Variants in ATP2B2 observed in about 807,000 individuals in gnomAD.
The protein encoded by ATP2B2 is plasma membrane calcium-transporting ATPase 2.
In ATP2B2, 15 loss-of-function variants were observed where a neutral mutation model predicts 120.0. That is an observed-to-expected ratio of 0.12 (90% confidence interval 0.08 to 0.19). The LOEUF (loss-of-function observed/expected upper bound fraction) is 0.19, where lower values mean the gene tolerates loss of function less well. Among genes scored for constraint, ATP2B2 ranks in the 10% least tolerant of loss-of-function variants. The probability of loss-of-function intolerance (pLI) is 1.00; values close to 1 mark genes in which losing one functional copy is unlikely to be tolerated. For missense variants in ATP2B2, 1,045 were observed against 1,719.8 expected (o/e 0.61, Z 6.94); for synonymous variants, 694 against 700.3 (o/e 0.99, Z 0.14).
Position 10,375,880 on chromosome 3 carries a change from G to T in ATP2B2, c.1202-236C>A, listed in dbSNP as rs904555635. ...TACTTCCTCCCCAAGATTTTGTAAG[G>T]CTCAAATGTGGTAATAACGCATGCA... On this transcript the variant is annotated intron_variant, in intron 10 of 22. Transcript: ENST00000360273. This position sits in a 1 kb window ranked among gnomAD's most constrained non-coding sequence, Gnocchi z 4.2. 2.0e-5 allele frequency among the ~76,000 whole-genome samples: 3 copies of T among 152,154 alleles called. No individual in the cohort carries two copies. The highest frequency in any genetic ancestry group is 4.4e-5 in the Non-Finnish European group (3 of 68,028).
intron 2 of ATP2B2, among the ~76,000 whole-genome samples, chr3:10,537,511 A>AT (rs61233127): frequency 6.5e-4 from 98 of 150,256 alleles, no homozygotes; most frequent in Non-Finnish European, 8.3e-4. Context: ...ATGAAAATAC[A>AT]TTTTTTTTTT....
chr3:10,625,407 C>T (rs762544425), intron 1 of ATP2B2, among the ~76,000 whole-genome samples: 13 of 152,092 alleles, frequency 8.5e-5, no homozygotes, highest in South Asian at 2.1e-4. Context: ...GAGATAAGAA[C>T]GGGTCAGGGC....
At chr3:10,445,516 G>T (rs551824689) in intron 2 of ATP2B2, among the ~76,000 whole-genome samples, 5 of 152,218 alleles carry the variant, frequency 3.3e-5, no homozygotes, top group African/African-American at 1.2e-4. Context: ...AGCCTCACAG[G>T]GGGGCAGGTT....
intron 2 of ATP2B2, among the ~76,000 whole-genome samples, chr3:10,417,403 G>A (rs1230264060): frequency 1.3e-5 from 2 of 152,228 alleles, no homozygotes; most frequent in African/African-American, 4.8e-5. Context: ...ACTTTCTAAT[G>A]GGTGAGCTGA....
rs1174569028 is a variant in ATP2B2, at chr3:10,347,769, C to A, written c.2405-1632G>T. ...GGACCGTTGCGTAGCTCAAGCTGTG[C>A]GGAAAGCTGGGAGGAAACCTCTCCC... is the stretch of plus-strand genomic sequence containing the variant. On this transcript the variant is annotated intron_variant, in intron 16 of 22. Transcript: ENST00000360273. The surrounding 1 kb of genome is among the most constrained non-coding windows in gnomAD (Gnocchi z 5.2). 1.3e-5 allele frequency among the ~76,000 whole-genome samples: 2 copies of A among 152,176 alleles called. No homozygotes were observed. The highest frequency in any genetic ancestry group is 2.4e-5 in the African/African-American group (1 of 41,442).
At chr3:10,536,225 G>A (rs964768802) in intron 2 of ATP2B2, among the ~76,000 whole-genome samples, 1 of 151,744 alleles carries the variant, frequency 6.6e-6, no homozygotes, top group African/African-American at 2.4e-5. Flanking sequence ...AAATTGCTGA[G>A]TTTTGAGACT....
At chr3:10,510,961 A>G (rs2066749723) in intron 3 of ATP2B2, among the ~76,000 whole-genome samples, 1 of 151,934 alleles carries the variant, frequency 6.6e-6, no homozygotes, top group Non-Finnish European at 1.5e-5. Flanking sequence ...GGAGCTGCCT[A>G]CATTCCTCCA....
Position 10,324,561 on chromosome 3 carries a change from G to A in ATP2B2, c.*4253C>T, listed in dbSNP as rs2059831344. On this transcript the variant is annotated 3_prime_UTR_variant, in exon 23 of 23. Coordinates refer to ENST00000360273, the MANE Select transcript of ATP2B2 (RefSeq NM_001001331.4). ...GAAGGCCTAAAAGCCTTCAAGAAAC[G>A]CTCTTCCCTACAAGAGCCTCTAATG... 1.3e-5 allele frequency: 2 copies of A among 152,194 alleles called. No individual in the cohort carries two copies. Among genetic ancestry groups the A allele is most frequent in the South Asian group, 2.1e-4 (1 of 4,826 alleles). The allele number at this position is 152,194 out of a possible 1,614,324, so 9.4% of individuals were successfully genotyped here.
At chr3:10,454,272 C>T (rs540262072) in intron 1 of ATP2B2, among the ~76,000 whole-genome samples, 8 of 152,266 alleles carry the variant, frequency 5.3e-5, no homozygotes, top group African/African-American at 1.2e-4. Context: ...TGAACTGGCC[C>T]GGGGTAACCA....
At chr3:10,666,151 A>G (rs969160117) in intron 1 of ATP2B2, among the ~76,000 whole-genome samples, 14 of 152,232 alleles carry the variant, frequency 9.2e-5, no homozygotes, top group East Asian at 7.7e-4. Context: ...GGAGTCCCCA[A>G]ATACACTAAC....
chr3:10,420,694 A>G (rs2062948002), intron 2 of ATP2B2, among the ~76,000 whole-genome samples: 2 of 152,242 alleles, frequency 1.3e-5, no homozygotes, highest in African/African-American at 4.8e-5. Context: ...CAGCCTGAGA[A>G]TAATGATAGT....
intron 2 of ATP2B2, among the ~76,000 whole-genome samples, chr3:10,414,689 G>T (rs989330550): frequency 6.6e-6 from 1 of 152,278 alleles, no homozygotes; most frequent in African/African-American, 2.4e-5. Context: ...TAAGTTGCTA[G>T]TTTGAGACCC....
chr3:10,486,155 T>C (rs2065644445), intron 1 of ATP2B2, among the ~76,000 whole-genome samples: 2 of 152,128 alleles, frequency 1.3e-5, no homozygotes, highest in Middle Eastern at 3.2e-3. Flanking sequence ...TGCCCGCTCA[T>C]CGAGCATAAG....
chr3:10,342,360 AG>A lies in ATP2B2; in HGVS notation c.2917+391del, dbSNP rs1377581034. Among the ~76,000 whole-genome samples the A allele has an allele frequency of 6.6e-6, 1 of 152,160 alleles. No homozygotes were observed. The highest frequency in any genetic ancestry group is 1.5e-5 in the Non-Finnish European group (1 of 68,022). On this transcript the variant is annotated intron_variant, in intron 19 of 22. Coordinates refer to ENST00000360273, the MANE Select transcript of ATP2B2 (RefSeq NM_001001331.4). The surrounding 1 kb of genome is among the most constrained non-coding windows in gnomAD (Gnocchi z 4.4). ...TGCCCTGCCCCAGGAAGCCTTGCTG[AG>A]GGTCCCTTCCACGGGGCCAGGATAA...
intron 16 of ATP2B2, among the ~76,000 whole-genome samples, chr3:10,348,286 TC>T (rs2060483316): frequency 6.6e-6 from 1 of 151,904 alleles, no homozygotes; most frequent in Non-Finnish European, 1.5e-5. Flanking sequence ...ACCTGGCAGC[TC>T]CACTTGAGGT....
intron 3 of ATP2B2, among the ~76,000 whole-genome samples, chr3:10,512,812 G>A (rs1046237191): frequency 2.0e-5 from 3 of 152,188 alleles, no homozygotes; most frequent in African/African-American, 4.8e-5. Flanking sequence ...CGGCAATTCC[G>A]AAGTGGTGCA....
chr3:10,492,074 C>T (rs907085444), intron 1 of ATP2B2, among the ~76,000 whole-genome samples: 10 of 152,120 alleles, frequency 6.6e-5, no homozygotes, highest in Non-Finnish European at 1.5e-4. Context: ...CCATTTGTTG[C>T]GACAAGCATG....
chr3:10,587,160 C>T (rs2068529289), intron 2 of ATP2B2, among the ~76,000 whole-genome samples: 2 of 152,056 alleles, frequency 1.3e-5, no homozygotes, highest in South Asian at 2.1e-4. Flanking sequence ...AAAAAATTAG[C>T]TGTGTGTGGT....
intron 1 of ATP2B2, among the ~76,000 whole-genome samples, chr3:10,487,470 T>C (rs2065735678): frequency 6.6e-6 from 1 of 152,186 alleles, no homozygotes; most frequent in South Asian, 2.1e-4. Flanking sequence ...TCAAGGTCAC[T>C]GGCAAGGGCA....
Sources: allele counts gnomAD v4.1 joint callset (sites outside exome capture counted in the v4.1 genomes callset), GRCh38; gene constraint gnomAD v4.1.1; non-coding constraint Gnocchi (gnomAD v3.1); transcripts MANE v1.5; gene names NCBI Gene and HGNC (gene_info 2026-07-23, HGNC 2026-07-21).